DNAH2: variants seen among roughly 807,000 people sequenced by gnomAD.
DNAH2 encodes the protein dynein axonemal heavy chain 2.
In DNAH2, 323 loss-of-function variants were observed where a neutral mutation model predicts 523.5. That is an observed-to-expected ratio of 0.62 (90% CI 0.56 to 0.68). The LOEUF (loss-of-function observed/expected upper bound fraction) is 0.68, where lower values mean the gene tolerates loss of function less well. Among genes scored for constraint, DNAH2 ranks in the 30% least tolerant of loss-of-function variants. The probability of loss-of-function intolerance (pLI) is 0.00; values close to 1 mark genes in which losing one functional copy is unlikely to be tolerated. For synonymous variants in DNAH2, 2,093 were observed against 2,177.4 expected, an observed-to-expected ratio of 0.96 and a Z score of 1.08; for missense variants, 4,907 against 5,701.5, an observed-to-expected ratio of 0.86 and a Z score of 4.49.
chr17:7,721,232 G>A (rs995717583), intron 2 of DNAH2, among the ~76,000 whole-genome samples: 1 of 151,964 alleles, frequency 6.6e-6, no homozygotes, highest in Non-Finnish European at 1.5e-5. Context: ...AGAGTGCAGT[G>A]GTGCGATCTC....
In DNAH2 at chr17:7,807,705, C is replaced by A; in HGVS notation, c.9729+119C>A. The A allele has an allele frequency of 1.2e-6, 1 of 861,578 alleles. No individual in the cohort carries two copies. Among genetic ancestry groups the A allele is most frequent in the Non-Finnish European group, 1.8e-6 (1 of 546,046 alleles). The allele number at this position is 861,578 out of a possible 1,614,324, so 53.4% of individuals were successfully genotyped here. On this transcript the variant is annotated intron_variant, in intron 63 of 85. Transcript: ENST00000572933. This position sits in a 1 kb window ranked among gnomAD's most constrained non-coding sequence, Gnocchi z 5.6. ...CCCCTTCCCCATGTCCTGTGCCATT[C>A]CAGTCCTGTCTCCTTCCCACTCTGT...
At chr17:7,758,849 G>A (rs199817683) in intron 14 of DNAH2, 36 bp from the exon 15 acceptor site, 21 of 1,609,622 alleles carry the variant, frequency 1.3e-5, no homozygotes, top group East Asian at 1.1e-4. Flanking sequence ...GTCTCTTCCC[G>A]AGCTGAAACT....
At chr17:7,793,433 TTTTC>T (rs146410752) in intron 48 of DNAH2, among the ~76,000 whole-genome samples, 6 of 102,636 alleles carry the variant, frequency 5.8e-5, no homozygotes, top group African/African-American at 1.9e-4. Context: ...CCTGCTTGCT[TTTTC>T]TTTCTTTCTT....
chr17:7,766,077 C>T lies in DNAH2; in HGVS notation c.3512-241C>T, dbSNP rs147139769. On this transcript the variant is annotated intron_variant, in intron 21 of 85. Coordinates refer to ENST00000572933, the MANE Select transcript of DNAH2 (RefSeq NM_020877.5). ...CAGGTGTGAGCCACCGCGCCCGGCC[C>T]GCATTTCTACTTTTCTTATCCCGAC... 9.5e-3 allele frequency among the ~76,000 whole-genome samples: 1,441 copies of T among 152,096 alleles called. 4 individuals carry two copies. The highest frequency in any genetic ancestry group is 0.015 in the Non-Finnish European group (1,007 of 67,982).
At chr17:7,748,489 C>G (rs117060057) in intron 12 of DNAH2, among the ~76,000 whole-genome samples, 2,291 of 152,240 alleles carry the variant, frequency 0.015, 27 homozygotes, top group Non-Finnish European at 0.022. Flanking sequence ...ATCCCCCAGA[C>G]AGATTTTTAT....
chr17:7,766,099 C>T (rs748571771), intron 21 of DNAH2, among the ~76,000 whole-genome samples: 3 of 152,030 alleles, frequency 2.0e-5, no homozygotes, highest in Admixed American at 1.3e-4. Context: ...TTTCTTATCC[C>T]GACTTCCATA....
rs541055457 is a variant in DNAH2, at chr17:7,752,439, G to A, written c.1905-4652G>A. ...AAACTTGTATGTTCAGGCCGCGCGCGGTGGCTCACGCCTGTAATCCCAGCA... is the reference window on the plus strand; with the variant it reads ...AAACTTGTATGTTCAGGCCGCGCGCAGTGGCTCACGCCTGTAATCCCAGCA... On this transcript the variant is annotated intron_variant, in intron 12 of 85. Coordinates refer to ENST00000572933, the MANE Select transcript of DNAH2 (RefSeq NM_020877.5). Among the ~76,000 whole-genome samples, 216 of 152,216 alleles carry A rather than the reference G, an allele frequency of 1.4e-3. 1 individual carries two copies. The highest frequency in any genetic ancestry group is 6.8e-3 in the Middle Eastern group (2 of 294).
In DNAH2 at chr17:7,719,709, GTA is replaced by G. The variant is rs1393976649; in HGVS notation, c.-14-9_-14-8del. 6.2e-7 allele frequency: 1 copy of G among 1,614,080 alleles called. No individual in the cohort carries two copies. The highest frequency in any genetic ancestry group is 1.7e-5 in the Admixed American group (1 of 60,008). On this transcript the variant is annotated splice_polypyrimidine_tract_variant and intron_variant, in intron 1 of 85. Coordinates refer to ENST00000572933, the MANE Select transcript of DNAH2 (RefSeq NM_020877.5). ...ATCTGCTTGTAGACTCTCCACTCCT[GTA>G]TACCTGTAGGTTTTGCCTGCACGAT... is the stretch of plus-strand genomic sequence containing the variant.
chr17:7,821,161 G>A lies in DNAH2; in HGVS notation c.11016-82G>A, dbSNP rs1462026993. 6.5e-7 allele frequency: 1 copy of A among 1,542,190 alleles called. No individual in the cohort carries two copies. The highest frequency in any genetic ancestry group is 2.3e-5 in the East Asian group (1 of 43,506). ...TGAGGTCCTCTGTGTGAAGCTGTGT[G>A]ATAGTAGCATCATAGCATTCGCATG... On this transcript the variant is annotated intron_variant, in intron 72 of 85. Coordinates refer to ENST00000572933, the MANE Select transcript of DNAH2 (RefSeq NM_020877.5). The surrounding 1 kb of genome is among the most constrained non-coding windows in gnomAD (Gnocchi z 5.0).
Position 7,819,306 on chromosome 17 carries a change from A to G in DNAH2, c.10913A>G (p.Tyr3638Cys). 1.9e-6 allele frequency: 3 copies of G among 1,614,230 alleles called. No individual in the cohort carries two copies. Among genetic ancestry groups the G allele is most frequent in the Non-Finnish European group, 2.5e-6 (3 of 1,180,044 alleles). ...ATGTACCAGTTCTCACTGGATGCCT[A>G]CATCAGCCTCTTTATTCTCAGCATT... ...DPMYQFSLDAYISLFILSIDK... is the reference protein window; with the variant it reads ...DPMYQFSLDACISLFILSIDK... The change falls in exon 72 of 86, where the codon TAC (tyrosine) becomes TGC (cysteine). Residue 3638 changes from tyrosine (Y) to cysteine (C), a missense_variant. Tyr to Cys is a radical substitution (Grantham distance 194). Around this residue, in one of 3 missense-constraint regions of DNAH2, gnomAD observed 1,851 missense variants for 2,139.4 expected, o/e 0.87. Transcript: ENST00000572933.
At chr17:7,824,434 GT>G in intron 76 of DNAH2, 102 bp from the exon 77 acceptor site, 1 of 1,411,482 alleles carries the variant, frequency 7.1e-7, no homozygotes. Context: ...GCAGATCTTA[GT>G]GTTAGGCCCC....
At chr17:7,781,006 C>G in intron 38 of DNAH2, 36 bp from the exon 39 acceptor site, 1 of 1,613,408 alleles carries the variant, frequency 6.2e-7, no homozygotes, top group Non-Finnish European at 8.5e-7. Flanking sequence ...TAGGCCCTGC[C>G]TCCTCAAGCC....
intron 12 of DNAH2, among the ~76,000 whole-genome samples, chr17:7,755,329 GACCTTCTCC>G (rs1390566645): frequency 4.6e-4 from 1 of 2,172 alleles, no homozygotes; most frequent in African/African-American, 4.8e-4. Flanking sequence ...GTGGTCATGT[GACCTTCTCC>G]AGCCTTTCCC....
Position 7,788,203 on chromosome 17 carries a change from C to T in DNAH2, c.6859C>T (p.Leu2287Phe), listed in dbSNP as rs765366784. Residue 2287 changes from leucine (L) to phenylalanine (F), a missense_variant, in exon 44 of 86, where the codon CTC (leucine) becomes TTC (phenylalanine). Leu to Phe is a conservative substitution (Grantham distance 22, BLOSUM62 0). Transcript: ENST00000572933. ...GCCCGAGTACAGCGGTATCACCTCC[C>T]TCTGCAAGCTGTACTCTGCCCTGGC... ...PLPEYSGITS[L>F]CKLYSALATP... 1.9e-6 allele frequency: 3 copies of T among 1,608,116 alleles called. No homozygotes were observed. Among genetic ancestry groups the T allele is most frequent in the African/African-American group, 1.3e-5 (1 of 74,960 alleles).
rs200571630 is a variant in DNAH2 at position 7,759,902 on chromosome 17, C to G, written c.2749C>G (p.Arg917Gly). 6.2e-7 allele frequency: 1 copy of G among 1,614,168 alleles called. No homozygotes were observed. The highest frequency in any genetic ancestry group is 1.6e-4 in the Middle Eastern group (1 of 6,062). The change falls in exon 17 of 86, where the codon CGC (arginine) becomes GGC (glycine). Residue 917 changes from arginine to glycine, a missense_variant. By Grantham distance (125) the Arg-to-Gly change is moderately radical (BLOSUM62 -2). This residue lies in a region of DNAH2 where 2,806 missense variants were observed against 3,190.8 expected (regional missense o/e 0.88). Coordinates refer to ENST00000572933, the MANE Select transcript of DNAH2 (RefSeq NM_020877.5). ...FCHLPDILTK[R>G]KLHREPIQTV... is the part of the protein sequence containing the mutation. Reference sequence around the variant, plus strand: ...CCACCTCCCTGACATTCTCACCAAGCGCAAGTTACATCGTGAACCCATCCA... The same window carrying G: ...CCACCTCCCTGACATTCTCACCAAGGGCAAGTTACATCGTGAACCCATCCA...
chr17:7,733,508 C>T, intron 5 of DNAH2, among the ~76,000 whole-genome samples, 193 bp downstream of exon 5: 1 of 118,146 alleles, frequency 8.5e-6, no homozygotes, highest in African/African-American at 3.2e-5. Flanking sequence ...GATGGAGTCT[C>T]ACCCTGTTGC....
chr17:7,764,029 G>C lies in DNAH2; in HGVS notation c.3177G>C (p.Glu1059Asp). The C allele has an allele frequency of 6.2e-7, 1 of 1,614,212 alleles. No individual in the cohort carries two copies. The highest frequency in any genetic ancestry group is 8.5e-7 in the Non-Finnish European group (1 of 1,180,030). ...ACACCTACCTGAAGGAGAACGCAGA[G>C]AAGTGCGGGCTGGGGCGCCCCACAG... ...ELHTYLKENAEKISRPPQTLE... is the reference protein window; with the variant it reads ...ELHTYLKENADKISRPPQTLE... Residue 1059 changes from glutamate to aspartate, a missense_variant and splice_region_variant, in exon 19 of 86, where the codon GAG (glutamate) becomes GAC (aspartate). By Grantham distance (45) the Glu-to-Asp change is conservative. Transcript: ENST00000572933.
chr17:7,786,800 A>G lies in DNAH2; in HGVS notation c.6467-97A>G. 6.3e-7 allele frequency: 1 copy of G among 1,598,468 alleles called. No homozygotes were observed. The highest frequency in any genetic ancestry group is 8.6e-7 in the Non-Finnish European group (1 of 1,168,862). On this transcript the variant is annotated intron_variant, in intron 41 of 85. Transcript: ENST00000572933. The surrounding 1 kb of genome is among the most constrained non-coding windows in gnomAD (Gnocchi z 7.5). ...GAGAGAAATGCCTGGGGAATGCTGAAGTACAAGGGAGTGTAGGCTTGTGTC... is the reference window on the plus strand; with the variant it reads ...GAGAGAAATGCCTGGGGAATGCTGAGGTACAAGGGAGTGTAGGCTTGTGTC...
chr17:7,766,640 C>CTTTTTT lies in DNAH2; in HGVS notation c.3675+179_3675+184dup, dbSNP rs58072098. Among the ~76,000 whole-genome samples, 51 of 84,434 alleles carry CTTTTTT rather than the reference C, an allele frequency of 6.0e-4. 1 individual carries two copies. The highest frequency in any genetic ancestry group is 7.6e-4 in the Admixed American group (5 of 6,620). 55.4% of individuals were successfully genotyped at this position (84,434 alleles called of 152,430 possible). On this transcript the variant is annotated intron_variant, in intron 22 of 85. Coordinates refer to ENST00000572933, the MANE Select transcript of DNAH2 (RefSeq NM_020877.5). ...TAAAATTCATACAACAAAATTAATC[C>CTTTTTT]TTTTTTTTTTTTTTTTTTTTTTTTT...
Sources: gnomAD v4.1 joint callset for allele counts (sites outside exome capture counted in the v4.1 genomes callset) on GRCh38, gnomAD v4.1.1 for gene constraint, gnomAD v4.1.1 regional missense constraint, Gnocchi (gnomAD v3.1) non-coding constraint, MANE v1.5 for transcripts, NCBI Gene and HGNC (gene_info 2026-07-23, HGNC 2026-07-21) for gene names.